CACNA1B: variants seen among roughly 807,000 people sequenced by gnomAD.
The protein encoded by CACNA1B is voltage-dependent N-type calcium channel subunit alpha-1B.
Under a neutral mutation model 247.2 loss-of-function variants are expected in CACNA1B, and 70 were observed. That is an observed-to-expected ratio of 0.28 (90% CI 0.23 to 0.35). CACNA1B has a LOEUF of 0.35. Among genes scored for constraint, CACNA1B ranks in the 10% least tolerant of loss-of-function variants. CACNA1B has a pLI of 1.00. For missense variants in CACNA1B, 2,367 were observed against 3,197.4 expected (o/e 0.74, Z 6.26); for synonymous variants, 1,231 against 1,294.4 (o/e 0.95, Z 1.05).
chr9:137,903,122 G>C (rs1388320152), intron 3 of CACNA1B, among the ~76,000 whole-genome samples: 2 of 152,112 alleles, frequency 1.3e-5, no homozygotes, highest in East Asian at 3.9e-4. Flanking sequence ...GGTGGCTCAC[G>C]CCTGTAATTC....
At chr9:138,060,692 T>A (rs1418157522) in intron 31 of CACNA1B, among the ~76,000 whole-genome samples, 1 of 152,244 alleles carries the variant, frequency 6.6e-6, no homozygotes, top group East Asian at 1.9e-4. Context: ...AAGGGACGTC[T>A]GACACCATCA....
At chr9:137,896,952 G>A (rs972931804) in intron 3 of CACNA1B, among the ~76,000 whole-genome samples, 1 of 152,100 alleles carries the variant, frequency 6.6e-6, no homozygotes, top group African/African-American at 2.4e-5. Flanking sequence ...GATGTCTGTA[G>A]GGTTTGTAAT....
chr9:138,105,702 C>T lies in CACNA1B; in HGVS notation c.5323C>T (p.Leu1775=). 2 of 1,548,254 alleles carry T rather than the reference C, an allele frequency of 1.3e-6. No individual in the cohort carries two copies. The highest frequency in any genetic ancestry group is 1.7e-6 in the Non-Finnish European group (2 of 1,144,188). The change falls in exon 39 of 47, where the codon CTG becomes TTG. Residue 1775 remains leucine (L), a synonymous_variant. Transcript: ENST00000371372. ...KCPARVAYKR[L]VRMNMPISNE... Reference sequence around the variant, plus strand: ...GACCGGCCCTGCTTGTCCCTAGCGCCTGGTTCGCATGAACATGCCCATCTC... The same window carrying T: ...GACCGGCCCTGCTTGTCCCTAGCGCTTGGTTCGCATGAACATGCCCATCTC...
Position 138,059,552 on chromosome 9 carries a change from C to T in CACNA1B, c.4585-102C>T. 3 of 763,050 alleles carry T rather than the reference C, an allele frequency of 3.9e-6. No individual in the cohort carries two copies. The Admixed American group carries it at 5.5e-5, about 14-fold the overall frequency. 47.3% of individuals were successfully genotyped at this position (763,050 alleles called of 1,614,324 possible). A position where few individuals can be genotyped will look rare whatever the true frequency, so the allele number is the denominator to read the frequency against. The stretch of plus-strand genomic sequence containing the variant: ...TGTCTGCCCTGTGCTCAGGGTCTAT[C>T]ACCCTCACCGCTTTCTTAATCAGGG... On this transcript the variant is annotated intron_variant, in intron 30 of 46. Coordinates refer to ENST00000371372, the MANE Select transcript of CACNA1B (RefSeq NM_000718.4). The surrounding 1 kb of genome is among the most constrained non-coding windows in gnomAD (Gnocchi z 4.2).
At chr9:137,951,987 G>C (rs1957882782) in intron 6 of CACNA1B, among the ~76,000 whole-genome samples, 1 of 152,174 alleles carries the variant, frequency 6.6e-6, no homozygotes, top group African/African-American at 2.4e-5. Flanking sequence ...TGGGCCTACT[G>C]CTTGGCTTTT....
intron 38 of CACNA1B, among the ~76,000 whole-genome samples, chr9:138,104,355 C>T (rs373449177): frequency 6.6e-6 from 1 of 152,122 alleles, no homozygotes; most frequent in African/African-American, 2.4e-5. Flanking sequence ...CACCTGCCTG[C>T]TCTGCCCTCA....
At chr9:137,897,724 A>G (rs1957188360) in intron 3 of CACNA1B, among the ~76,000 whole-genome samples, 1 of 151,718 alleles carries the variant, frequency 6.6e-6, no homozygotes, top group Non-Finnish European at 1.5e-5. Context: ...TATTATTATT[A>G]TTATTATATT....
chr9:138,083,752 T>A (rs1351737771), intron 36 of CACNA1B, among the ~76,000 whole-genome samples: 1 of 149,642 alleles, frequency 6.7e-6, no homozygotes, highest in Non-Finnish European at 1.5e-5. Flanking sequence ...CCCCCTGGAG[T>A]CTGAGCTGCT....
rs548012349 is a variant in CACNA1B at position 137,882,714 on chromosome 9, G to A, written c.391-30G>A. 7.4e-6 allele frequency: 12 copies of A among 1,613,548 alleles called. No homozygotes were observed. Among genetic ancestry groups the A allele is most frequent in the Middle Eastern group, 1.7e-4 (1 of 6,054 alleles). On this transcript the variant is annotated intron_variant, in intron 2 of 46. Coordinates refer to ENST00000371372, the MANE Select transcript of CACNA1B (RefSeq NM_000718.4). This position sits in a 1 kb window ranked among gnomAD's most constrained non-coding sequence, Gnocchi z 4.0. ...CCGCTACTACACCGGGTAGGGGCCA[G>A]GGGTGACCACTGTTCTGCGCTTCTC...
intron 1 of CACNA1B, among the ~76,000 whole-genome samples, chr9:137,878,510 G>A (rs1956868333): frequency 6.6e-6 from 1 of 152,206 alleles, no homozygotes; most frequent in African/African-American, 2.4e-5. Flanking sequence ...CACCGAGGGC[G>A]AAGCCGCGTC....
intron 37 of CACNA1B, among the ~76,000 whole-genome samples, chr9:138,099,706 G>A (rs1302254609): frequency 6.6e-6 from 1 of 151,880 alleles, no homozygotes; most frequent in Non-Finnish European, 1.5e-5. Context: ...GCCTGTGGGT[G>A]TGCACATGTC....
At chr9:137,934,453 G>A (rs550208569) in intron 6 of CACNA1B, among the ~76,000 whole-genome samples, 2 of 152,302 alleles carry the variant, frequency 1.3e-5, no homozygotes, top group East Asian at 3.9e-4. Flanking sequence ...GTTCCCACTC[G>A]GATGGCCAGA....
intron 18 of CACNA1B, chr9:138,017,001 G>A (rs1564240122): frequency 2.4e-6 from 1 of 415,958 alleles, no homozygotes; most frequent in South Asian, 1.7e-5. Context: ...CCCGTCTGAC[G>A]GACGCGTCTG....
chr9:138,112,506 G>C lies in CACNA1B; in HGVS notation c.5536+1G>C. 1 of 1,581,398 alleles carries C rather than the reference G, an allele frequency of 6.3e-7. No individual in the cohort carries two copies. The highest frequency in any genetic ancestry group is 2.2e-5 in the East Asian group (1 of 44,724). The stretch of plus-strand genomic sequence containing the variant: ...GACTTGCTGGTACCACCCCATAAGC[G>C]TAAGTGTGAGGGTGAGAAATGCCCC... On this transcript the variant is annotated splice_donor_variant, in intron 40 of 46. Transcript: ENST00000371372. LOFTEE classifies it high-confidence loss of function.
chr9:137,998,405 G>T (rs141918684), intron 15 of CACNA1B, among the ~76,000 whole-genome samples: 5 of 152,116 alleles, frequency 3.3e-5, no homozygotes, highest in Admixed American at 3.3e-4. Flanking sequence ...GAGGTCAGGC[G>T]TTCGAGACCA....
chr9:137,949,317 A>AGGTGTG (rs1957849654), intron 6 of CACNA1B, among the ~76,000 whole-genome samples: 1 of 3,702 alleles, frequency 2.7e-4, no homozygotes, highest in African/African-American at 1.0e-3. Flanking sequence ...TGTGTGGTGT[A>AGGTGTG]CGTATGGTGT....
chr9:138,040,690 CT>C, intron 20 of CACNA1B: 1 of 224,436 alleles, frequency 4.5e-6, no homozygotes, highest in South Asian at 4.9e-5. Context: ...CCGTTGTCTC[CT>C]TTTCACATTT....
intron 41 of CACNA1B, 62 bp downstream of exon 41, chr9:138,114,552 C>T (rs750105852): frequency 1.6e-5 from 13 of 823,820 alleles, no homozygotes; most frequent in Non-Finnish European, 2.4e-5. Context: ...TGGCATCCTT[C>T]GGGGGGTTGA....
intron 20 of CACNA1B, chr9:138,040,644 C>A: frequency 2.5e-6 from 1 of 397,066 alleles, no homozygotes; most frequent in Non-Finnish European, 5.1e-6. Context: ...AGGAAGCGTC[C>A]AGCACGGGAG....
Sources: allele counts gnomAD v4.1 joint callset (sites outside exome capture counted in the v4.1 genomes callset), GRCh38; gene constraint gnomAD v4.1.1; non-coding constraint Gnocchi (gnomAD v3.1); transcripts MANE v1.5; gene names NCBI Gene and HGNC (gene_info 2026-07-23, HGNC 2026-07-21).